PTER: variants seen among roughly 807,000 people sequenced by gnomAD.
PTER encodes the protein phosphotriesterase related.
PTER carries 38 observed loss-of-function variants against 29.6 expected under a neutral mutation model. The ratio of observed to expected loss-of-function variants is 1.28; its 90% CI spans 0.99 to 1.68. The LOEUF is 1.68. PTER is among the 40% of genes most tolerant of loss of function. The pLI is 0.00. For missense variants in PTER, 482 were observed against 427.8 expected, an observed-to-expected ratio of 1.13 and a Z score of -1.12; for synonymous variants, 172 against 154.5, an observed-to-expected ratio of 1.11 and a Z score of -0.84.
intron 1 of PTER, among the ~76,000 whole-genome samples, chr10:16,454,815 T>C (rs1254358887): frequency 2.0e-5 from 3 of 151,718 alleles, no homozygotes; most frequent in Admixed American, 2.0e-4. Context: ...TACTAATATA[T>C]AATAATAAAC....
intron 2 of PTER, among the ~76,000 whole-genome samples, chr10:16,485,233 C>G (rs993002973): frequency 2.6e-5 from 4 of 152,022 alleles, no homozygotes; most frequent in Non-Finnish European, 4.4e-5. Flanking sequence ...AATGAAGATT[C>G]ACTGTAGGGT....
downstream of PTER, among the ~76,000 whole-genome samples, chr10:16,516,199 A>G (rs1688330235): frequency 6.6e-6 from 1 of 152,168 alleles, no homozygotes; most frequent in South Asian, 2.1e-4. Context: ...AATATAATGA[A>G]AGCAATATAC....
intron 1 of PTER, among the ~76,000 whole-genome samples, chr10:16,474,096 A>T (rs1316952814): frequency 1.3e-5 from 2 of 152,170 alleles, no homozygotes; most frequent in Non-Finnish European, 2.9e-5. Flanking sequence ...ATGTGCCTGT[A>T]ATCCCAGCTA....
Position 16,486,223 on chromosome 10 carries a change from T to C in PTER, c.433-129T>C, listed in dbSNP as rs1835688102. On this transcript the variant is annotated intron_variant, in intron 2 of 4. Coordinates refer to ENST00000535784, the MANE Select transcript of PTER (RefSeq NM_001261836.2). ...TGCCTTTTTCCTTGGCCAATATTAA[T>C]TGATAAATACTGAATACATTTTTAA... is the stretch of plus-strand genomic sequence containing the variant. 3 of 1,104,604 alleles carry C rather than the reference T, an allele frequency of 2.7e-6. No individual in the cohort carries two copies. The South Asian group carries it at 5.4e-5, about 20-fold the overall frequency. The allele number at this position is 1,104,604 out of a possible 1,614,324, so 68.4% of individuals were successfully genotyped here. A position where few individuals can be genotyped will look rare whatever the true frequency, so the allele number is the denominator to read the frequency against.
chr10:16,472,733 G>T (rs1358986685), intron 1 of PTER, among the ~76,000 whole-genome samples: 1 of 151,984 alleles, frequency 6.6e-6, no homozygotes, highest in Non-Finnish European at 1.5e-5. Context: ...TACTTCTTTG[G>T]CATTTGGACC....
At chr10:16,450,618 T>C (rs370408249) in intron 1 of PTER, among the ~76,000 whole-genome samples, 92 of 152,268 alleles carry the variant, frequency 6.0e-4, no homozygotes, top group African/African-American at 2.0e-3. Flanking sequence ...TGATAAAAGC[T>C]TGTGTCTGAT....
At chr10:16,502,289 C>T (rs1166513848) in intron 3 of PTER, among the ~76,000 whole-genome samples, 3 of 152,160 alleles carry the variant, frequency 2.0e-5, no homozygotes, top group Non-Finnish European at 4.4e-5. Context: ...CCTCTTCCCG[C>T]TTACATTACT....
At chr10:16,476,901 C>CTCTCTCTCTTTTTTTTTTTTTTTT (rs1214090481) in intron 1 of PTER, among the ~76,000 whole-genome samples, 2 of 100,368 alleles carry the variant, frequency 2.0e-5, no homozygotes, top group African/African-American at 9.0e-5. Context: ...TCCTAGAATT[C>CTCTCTCTCTTTTTTTTTTTTTTTT]TTTTTTTTTT....
intron 1 of PTER, among the ~76,000 whole-genome samples, chr10:16,457,140 C>T (rs1173580689): frequency 2.0e-5 from 3 of 152,154 alleles, no homozygotes; most frequent in Non-Finnish European, 2.9e-5. Flanking sequence ...GAGTTACATG[C>T]GCTTCATTTC....
At chr10:16,514,831 A>G (rs1032221724), downstream of PTER, 2 of 687,356 alleles carry the variant, frequency 2.9e-6, no homozygotes, top group Non-Finnish European at 4.8e-6. Flanking sequence ...AGCAAAGTCC[A>G]TGTTGACCTC....
intron 1 of PTER, among the ~76,000 whole-genome samples, chr10:16,438,391 C>T (rs114644828): frequency 0.012 from 1,850 of 151,930 alleles, 30 homozygotes; most frequent in African/African-American, 0.042. Context: ...TCACTTCCCC[C>T]GTTCAAGTGA....
chr10:16,461,020 A>C (rs1588594461), intron 1 of PTER, among the ~76,000 whole-genome samples: 1 of 152,336 alleles, frequency 6.6e-6, no homozygotes, highest in East Asian at 1.9e-4. Context: ...CCTGGCCAAA[A>C]ATTACAGTCA....
At chr10:16,447,100 T>C (rs1301237268) in intron 1 of PTER, among the ~76,000 whole-genome samples, 1 of 111,252 alleles carries the variant, frequency 9.0e-6, no homozygotes, top group Non-Finnish European at 1.8e-5. Context: ...TTTTTTCTTT[T>C]CTTTTTTTTT....
chr10:16,510,786 C>T (rs533713076), intron 4 of PTER, among the ~76,000 whole-genome samples: 2 of 152,180 alleles, frequency 1.3e-5, no homozygotes, highest in Non-Finnish European at 2.9e-5. Flanking sequence ...ATCTTTAATG[C>T]GGTATTGCCA....
intron 1 of PTER, among the ~76,000 whole-genome samples, chr10:16,440,249 G>A (rs1305555465): frequency 1.3e-5 from 2 of 151,226 alleles, no homozygotes; most frequent in Non-Finnish European, 2.9e-5. Flanking sequence ...TGTATTTTTG[G>A]TAGAGACGGG....
chr10:16,450,338 C>T (rs1834160792), intron 1 of PTER, among the ~76,000 whole-genome samples: 1 of 152,112 alleles, frequency 6.6e-6, no homozygotes, highest in Non-Finnish European at 1.5e-5. Context: ...TTAATCTCCT[C>T]AGACAAAGGT....
chr10:16,438,179 T>C (rs1027732185), intron 1 of PTER, among the ~76,000 whole-genome samples: 59 of 45,688 alleles, frequency 1.3e-3, no homozygotes, highest in Non-Finnish European at 1.6e-3. Context: ...CTAATTTTTG[T>C]ATTTTTAGTA....
intron 3 of PTER, among the ~76,000 whole-genome samples, chr10:16,494,016 A>C (rs10795401): frequency 0.16 from 23,980 of 152,046 alleles, 2,252 homozygotes; most frequent in East Asian, 0.37. Context: ...ATTTTTCATA[A>C]CTCTGACACC....
At chr10:16,510,989 T>A in intron 4 of PTER, 57 bp from the exon 5 acceptor site, 1 of 1,486,482 alleles carries the variant, frequency 6.7e-7, no homozygotes, top group Non-Finnish European at 9.2e-7. Context: ...GTTGAAAGCA[T>A]CCTGAAAAGC....
Sources: allele counts gnomAD v4.1 joint callset (sites outside exome capture counted in the v4.1 genomes callset), GRCh38; gene constraint gnomAD v4.1.1; transcripts MANE v1.5; gene names NCBI Gene and HGNC (gene_info 2026-07-23, HGNC 2026-07-21).